The following BNC2 variants were observed in gnomAD, a reference collection of about 807,000 sequenced individuals.
The protein encoded by BNC2 is zinc finger protein basonuclin-2.
BNC2 carries 20 observed loss-of-function variants against 76.3 expected under a neutral mutation model. That is an observed-to-expected ratio of 0.26 (90% CI 0.18 to 0.38). BNC2 has a LOEUF of 0.38. BNC2 is among the 10% of genes least tolerant of loss of function. The pLI, the probability that BNC2 is intolerant of heterozygous loss-of-function variation, is 1.00. For missense variants in BNC2, 1,382 were observed against 1,399.8 expected (o/e 0.99, Z 0.20); for synonymous variants, 582 against 514.8 (o/e 1.13, Z -1.77).
intron 3 of BNC2, among the ~76,000 whole-genome samples, chr9:16,624,581 T>C (rs559777137): frequency 1.1e-4 from 17 of 152,292 alleles, no homozygotes; most frequent in Non-Finnish European, 1.5e-4. Flanking sequence ...TGGCAAGTGT[T>C]GACACTCTTC....
chr9:16,633,033 G>C (rs1038227749), intron 3 of BNC2, among the ~76,000 whole-genome samples: 3 of 152,130 alleles, frequency 2.0e-5, no homozygotes, highest in African/African-American at 7.2e-5. Flanking sequence ...AGCATGAAGA[G>C]GAGCCTATCT....
At chr9:16,719,157 A>G (rs1008894708) in intron 3 of BNC2, among the ~76,000 whole-genome samples, 2 of 152,192 alleles carry the variant, frequency 1.3e-5, no homozygotes, top group Non-Finnish European at 2.9e-5. Flanking sequence ...TCTCATGAAT[A>G]TGCTCAGTGT....
intron 1 of BNC2, among the ~76,000 whole-genome samples, chr9:16,813,989 G>T (rs1347685711): frequency 6.6e-6 from 1 of 152,058 alleles, no homozygotes; most frequent in African/African-American, 2.4e-5. Flanking sequence ...CCCCAGACAC[G>T]GTGTACTAAA....
rs1818245881 is a variant in BNC2, at chr9:16,818,773, C to CA, written c.3+51872dup. ...AACTCCTGGAATCAAGTGAGCCTCC[C>CA]ACCTCAACCACCCAAGTAGCTGAGG... On this transcript the variant is annotated intron_variant, in intron 1 of 6. Transcript: ENST00000380672. Among the ~76,000 whole-genome samples, 5 of 152,176 alleles carry CA rather than the reference C, an allele frequency of 3.3e-5. No individual in the cohort carries two copies. The South Asian group carries it at 1.0e-3, about 32-fold the overall frequency.
intron 1 of BNC2, among the ~76,000 whole-genome samples, chr9:16,852,181 G>A (rs578063219): frequency 1.3e-5 from 2 of 152,186 alleles, no homozygotes; most frequent in African/African-American, 4.8e-5. Flanking sequence ...TCCAGTCTCA[G>A]TTTTTTTGAC....
At chr9:16,837,219 A>T (rs997429153) in intron 1 of BNC2, among the ~76,000 whole-genome samples, 14 of 152,258 alleles carry the variant, frequency 9.2e-5, no homozygotes, top group African/African-American at 3.4e-4. Flanking sequence ...GAAAACCATA[A>T]TTCTGGCCAG....
At chr9:16,847,812 C>G (rs1380161337) in intron 1 of BNC2, among the ~76,000 whole-genome samples, 1 of 152,108 alleles carries the variant, frequency 6.6e-6, no homozygotes. Context: ...ATCTACGGAG[C>G]AGCATGTGCG....
intron 1 of BNC2, among the ~76,000 whole-genome samples, chr9:16,849,642 A>G (rs956441883): frequency 6.4e-4 from 97 of 152,128 alleles, no homozygotes; most frequent in African/African-American, 2.2e-3. Flanking sequence ...TATAGGCGTG[A>G]GCCACCGCAC....
At chr9:16,798,721 T>C (rs529888892) in intron 1 of BNC2, among the ~76,000 whole-genome samples, 1 of 152,304 alleles carries the variant, frequency 6.6e-6, no homozygotes, top group Non-Finnish European at 1.5e-5. Flanking sequence ...GAGGAAATAC[T>C]GAAATTATTC....
At chr9:16,803,285 T>TGCTG (rs1817827127) in intron 1 of BNC2, among the ~76,000 whole-genome samples, 1 of 152,218 alleles carries the variant, frequency 6.6e-6, no homozygotes, top group Non-Finnish European at 1.5e-5. Context: ...AGGACAGTGC[T>TGCTG]GAAATCCTGC....
At chr9:16,859,181 TC>T (rs1438232114) in intron 1 of BNC2, among the ~76,000 whole-genome samples, 6 of 8,978 alleles carry the variant, frequency 6.7e-4, no homozygotes, top group Non-Finnish European at 2.6e-3. Flanking sequence ...ATGGTTACCA[TC>T]AAAAAAAAAA....
At position 16,414,580 on chromosome 9, in the gene BNC2, G is replaced by A. The variant is rs1202194500; in HGVS notation, c.*4409C>T. 1 of 152,198 alleles carries A rather than the reference G, an allele frequency of 6.6e-6. No homozygotes were observed. The highest frequency in any genetic ancestry group is 2.4e-5 in the African/African-American group (1 of 41,452). 9.4% of individuals were successfully genotyped at this position (152,198 alleles called of 1,614,324 possible). A position where few individuals can be genotyped will look rare whatever the true frequency, so the allele number is the denominator to read the frequency against. On this transcript the variant is annotated 3_prime_UTR_variant, in exon 7 of 7. Coordinates refer to ENST00000380672, the MANE Select transcript of BNC2 (RefSeq NM_017637.6). ...ACAGGATGAAAAAAAGTTTCTTCTG[G>A]ATGATTTGTTTCTTGATGATAGCAG...
intron 5 of BNC2, among the ~76,000 whole-genome samples, chr9:16,502,199 CAAAAAATAAG>C (rs1822533798): frequency 6.6e-6 from 1 of 151,806 alleles, no homozygotes; most frequent in Non-Finnish European, 1.5e-5. Flanking sequence ...CCCACCTGTA[CAAAAAATAAG>C]AAAAATTAGC....
chr9:16,478,671 G>T (rs1023135908), intron 5 of BNC2, among the ~76,000 whole-genome samples: 8 of 152,168 alleles, frequency 5.3e-5, no homozygotes, highest in Non-Finnish European at 1.0e-4. Context: ...ATTAGATGTT[G>T]TAAGTGTAGA....
chr9:16,813,560 C>G (rs996305601), intron 1 of BNC2, among the ~76,000 whole-genome samples: 3 of 152,074 alleles, frequency 2.0e-5, no homozygotes, highest in Non-Finnish European at 2.9e-5. Flanking sequence ...CCACCGCGCC[C>G]AGCCAAAAAA....
chr9:16,649,831 C>T (rs971405068), intron 3 of BNC2, among the ~76,000 whole-genome samples: 1 of 152,192 alleles, frequency 6.6e-6, no homozygotes, highest in Non-Finnish European at 1.5e-5. Flanking sequence ...TCAGCCTATA[C>T]TAACATGCCA....
chr9:16,480,433 C>T (rs918157654), intron 5 of BNC2, among the ~76,000 whole-genome samples: 12 of 152,236 alleles, frequency 7.9e-5, no homozygotes, highest in African/African-American at 2.7e-4. Context: ...TTCAGCCCAC[C>T]GCTGCACTGT....
intron 3 of BNC2, among the ~76,000 whole-genome samples, chr9:16,645,613 C>G (rs530763078): frequency 6.6e-6 from 1 of 152,044 alleles, no homozygotes; most frequent in Admixed American, 6.6e-5. Flanking sequence ...ATCCTTGTCC[C>G]ATCACAGCAC....
At chr9:16,779,333 T>C (rs1233039419) in intron 1 of BNC2, among the ~76,000 whole-genome samples, 1 of 148,464 alleles carries the variant, frequency 6.7e-6, no homozygotes, top group African/African-American at 2.5e-5. Context: ...TTTGATTAGA[T>C]AGTTACCAGA....
Sources: gnomAD v4.1 joint callset for allele counts (sites outside exome capture counted in the v4.1 genomes callset) on GRCh38, gnomAD v4.1.1 for gene constraint, MANE v1.5 for transcripts, NCBI Gene and HGNC (gene_info 2026-07-23, HGNC 2026-07-21) for gene names.